METAP1: variants seen among roughly 807,000 people sequenced by gnomAD.
METAP1 encodes methionine aminopeptidase 1.
In METAP1, 28 loss-of-function variants were observed where a neutral mutation model predicts 53.8. The ratio of observed to expected loss-of-function variants is 0.52; its 90% CI spans 0.39 to 0.71. The LOEUF is 0.71. METAP1 is among the 30% of genes least tolerant of loss of function. The probability of loss-of-function intolerance (pLI) is 0.00; values close to 1 mark genes in which losing one functional copy is unlikely to be tolerated. For synonymous variants in METAP1, 181 were observed against 165.7 expected (o/e 1.09, Z -0.71); for missense variants, 389 against 479.8 (o/e 0.81, Z 1.77).
rs868450356 is a variant in METAP1 at position 99,061,231 on chromosome 4, C to T, written c.1075C>T (p.His359Tyr). 6.2e-7 allele frequency: 1 copy of T among 1,613,968 alleles called. No homozygotes were observed. Among genetic ancestry groups the T allele is most frequent in the Non-Finnish European group, 8.5e-7 (1 of 1,179,866 alleles). ...CGGAAAGCGGTCTGCTCAGTTTGAG[C>T]ACACCCTCCTGGTCACAGACACTGG... ...RDGKRSAQFE[H>Y]TLLVTDTGCE... The change falls in exon 11 of 11, where the codon CAC becomes TAC. Residue 359 changes from histidine to tyrosine, a missense_variant. Coordinates refer to ENST00000296411, the MANE Select transcript of METAP1 (RefSeq NM_015143.3).
At chr4:99,030,768 C>T (rs1243982060) in intron 2 of METAP1, among the ~76,000 whole-genome samples, 2 of 140,514 alleles carry the variant, frequency 1.4e-5, no homozygotes, top group Non-Finnish European at 3.1e-5. Flanking sequence ...GTCATGGAGA[C>T]GATATAGTTA....
intron 5 of METAP1, 21 bp downstream of exon 5, chr4:99,039,486 A>C (rs368284437): frequency 2.7e-5 from 39 of 1,434,138 alleles, no homozygotes; most frequent in Admixed American, 3.4e-5. Context: ...TTTTTTCTCC[A>C]TGGGGTAGGA....
In METAP1 at chr4:99,016,048, G is replaced by A. The variant is rs572157406; in HGVS notation, c.115-12819G>A. Among the ~76,000 whole-genome samples, 5 of 152,180 alleles carry A rather than the reference G, an allele frequency of 3.3e-5. No individual in the cohort carries two copies. The South Asian group carries it at 6.2e-4, about 19-fold the overall frequency. ...GGTAGGATCCTTCCCAGGCTGGCTC[G>A]AGCCTTCCTTCCTTCCATCCCTTTA... On this transcript the variant is annotated intron_variant, in intron 1 of 10. Coordinates refer to ENST00000296411, the MANE Select transcript of METAP1 (RefSeq NM_015143.3).
intron 5 of METAP1, 105 bp downstream of exon 5, chr4:99,039,570 G>T: frequency 1.6e-6 from 1 of 626,984 alleles, no homozygotes; most frequent in South Asian, 2.5e-5. Context: ...TATATTGTTA[G>T]ACTGACCAGC....
Position 98,995,864 on chromosome 4 carries a change from G to C in METAP1, c.111G>C (p.Ser37=). The change falls in exon 1 of 11, where the codon TCG becomes TCC. Residue 37 remains serine (S), a synonymous_variant. Transcript: ENST00000296411. ...GCATCCAGGGCTCGTACTTCTGCTC[G>C]CAGGTAGGCGCCCGCTGCCCCGCGG... ...KLGIQGSYFC[S]QECFKGSWAT... The C allele has an allele frequency of 6.5e-7, 1 of 1,538,904 alleles. No individual in the cohort carries two copies. Among genetic ancestry groups the C allele is most frequent in the Non-Finnish European group, 8.8e-7 (1 of 1,140,602 alleles).
intron 4 of METAP1, among the ~76,000 whole-genome samples, chr4:99,038,807 A>G (rs187863786): frequency 6.6e-6 from 1 of 152,292 alleles, no homozygotes; most frequent in Non-Finnish European, 1.5e-5. Context: ...TAAAGATTTC[A>G]TGGCAGCACT....
intron 1 of METAP1, chr4:99,023,427 A>G (rs1472090871): frequency 2.2e-6 from 2 of 907,996 alleles, no homozygotes; most frequent in East Asian, 1.2e-4. Flanking sequence ...TATATGTTAT[A>G]TCTTGATACA....
intron 2 of METAP1, chr4:99,031,505 CAGAG>C: frequency 7.8e-7 from 1 of 1,288,040 alleles, no homozygotes; most frequent in Non-Finnish European, 1.0e-6. Context: ...TTTTGGATTA[CAGAG>C]AGAAGGTGTT....
At chr4:99,050,696 G>A (rs975229561) in intron 9 of METAP1, among the ~76,000 whole-genome samples, 25 of 152,278 alleles carry the variant, frequency 1.6e-4, no homozygotes, top group Middle Eastern at 3.4e-3. Flanking sequence ...TCTCATAGGA[G>A]TTTGAACCCT....
chr4:99,043,487 T>A, intron 7 of METAP1, 100 bp downstream of exon 7: 2 of 1,268,646 alleles, frequency 1.6e-6, no homozygotes, highest in Non-Finnish European at 2.2e-6. Flanking sequence ...TTCCTGTACT[T>A]AAACTTTTTC....
intron 9 of METAP1, among the ~76,000 whole-genome samples, chr4:99,057,433 A>T (rs1727234342): frequency 6.6e-6 from 1 of 152,236 alleles, no homozygotes; most frequent in African/African-American, 2.4e-5. Flanking sequence ...GGTAATAGAA[A>T]TCAAGGCACT....
chr4:99,043,557 G>A (rs2110377705), intron 7 of METAP1, among the ~76,000 whole-genome samples, 170 bp downstream of exon 7: 1 of 152,232 alleles, frequency 6.6e-6, no homozygotes, highest in East Asian at 1.9e-4. Context: ...TAACGGTTTT[G>A]TGCATGTTGC....
intron 1 of METAP1, chr4:99,005,718 A>G (rs942461974): frequency 7.7e-6 from 3 of 387,708 alleles, no homozygotes; most frequent in Non-Finnish European, 5.0e-6. Flanking sequence ...TATATACATC[A>G]TGAAATACTC....
Position 98,995,740 on chromosome 4 carries a change from A to C in METAP1, c.-14A>C. ...CTCTTCCTCGGTGAGGCGCTCTTCC[A>C]GCGGGCAGGCAGCATGGCGGCCGTG... On this transcript the variant is annotated 5_prime_UTR_variant, in exon 1 of 11. Transcript: ENST00000296411. 6.5e-7 allele frequency: 1 copy of C among 1,541,606 alleles called. No homozygotes were observed. Among genetic ancestry groups the C allele is most frequent in the Non-Finnish European group, 8.8e-7 (1 of 1,141,884 alleles).
intron 1 of METAP1, chr4:99,022,702 A>C: frequency 6.8e-7 from 1 of 1,471,756 alleles, no homozygotes; most frequent in Non-Finnish European, 9.4e-7. Context: ...AGTACTTGAG[A>C]TTCCATAGGT....
chr4:99,044,857 T>C (rs1199244435), intron 7 of METAP1, among the ~76,000 whole-genome samples: 1 of 152,246 alleles, frequency 6.6e-6, no homozygotes, highest in Non-Finnish European at 1.5e-5. Context: ...TTCAATTTAA[T>C]GTTACTAACT....
At chr4:99,046,395 CAAAAAAAGAAGAAAA>C (rs1345709646) in intron 8 of METAP1, among the ~76,000 whole-genome samples, 1 of 151,402 alleles carries the variant, frequency 6.6e-6, no homozygotes, top group East Asian at 1.9e-4. Flanking sequence ...GACTCCATTT[CAAAAAAAGAAGAAAA>C]GAAAAAAAAG....
intron 9 of METAP1, among the ~76,000 whole-genome samples, chr4:99,056,129 G>T (rs935256350): frequency 3.9e-5 from 6 of 152,108 alleles, no homozygotes; most frequent in Non-Finnish European, 8.8e-5. Flanking sequence ...GAGTTTAGTT[G>T]AGTCAGCCTC....
chr4:99,022,937 G>T, intron 1 of METAP1: 1 of 1,498,712 alleles, frequency 6.7e-7, no homozygotes, highest in Non-Finnish European at 9.0e-7. Context: ...TAGGCACTGA[G>T]AAGGTTGCGG....
Sources: allele counts gnomAD v4.1 joint callset (sites outside exome capture counted in the v4.1 genomes callset), GRCh38; gene constraint gnomAD v4.1.1; transcripts MANE v1.5; gene names NCBI Gene and HGNC (gene_info 2026-07-23, HGNC 2026-07-21).